PPP2R2C: variants seen among roughly 807,000 people sequenced by gnomAD.
PPP2R2C encodes protein phosphatase 2, regulatory subunit B, gamma.
Under a neutral mutation model 45.3 loss-of-function variants are expected in PPP2R2C, and 10 were observed. That is an observed-to-expected ratio of 0.22 (90% CI 0.14 to 0.37). The LOEUF is 0.37. Ranked by LOEUF, PPP2R2C falls within the 10% of genes least tolerant of loss-of-function variation. The pLI, the probability that PPP2R2C is intolerant of heterozygous loss-of-function variation, is 1.00. For synonymous variants in PPP2R2C, 257 were observed against 245.4 expected (o/e 1.05, Z -0.44); for missense variants, 308 against 619.7 (o/e 0.50, Z 5.34).
intron 1 of PPP2R2C, among the ~76,000 whole-genome samples, chr4:6,410,524 A>G (rs1211491076): frequency 6.6e-6 from 1 of 152,214 alleles, no homozygotes; most frequent in Non-Finnish European, 1.5e-5. Context: ...AATATCAAAA[A>G]GATGGGGATG....
At chr4:6,481,892 T>C (rs1722364565) in intron 2 of PPP2R2C, among the ~76,000 whole-genome samples, 1 of 138,478 alleles carries the variant, frequency 7.2e-6, no homozygotes, top group Non-Finnish European at 1.5e-5. Context: ...GGCAGAAGAA[T>C]AGCTTGAAGC....
intron 1 of PPP2R2C, among the ~76,000 whole-genome samples, chr4:6,458,227 G>A (rs1354995532): frequency 6.6e-6 from 1 of 152,184 alleles, no homozygotes; most frequent in Non-Finnish European, 1.5e-5. Context: ...AAAACATCAT[G>A]CAGGCTCATC....
chr4:6,514,002 G>A (rs1055753254), intron 2 of PPP2R2C, among the ~76,000 whole-genome samples: 1 of 152,140 alleles, frequency 6.6e-6, no homozygotes, highest in African/African-American at 2.4e-5. Context: ...ATACAGATGG[G>A]GTGTATAATT....
At chr4:6,389,831 C>T (rs911580159) in intron 1 of PPP2R2C, among the ~76,000 whole-genome samples, 2 of 152,202 alleles carry the variant, frequency 1.3e-5, no homozygotes, top group African/African-American at 2.4e-5. Context: ...AACTTGCCAA[C>T]AGCCGCTCAG....
At chr4:6,531,723 T>C (rs1354742716) in intron 2 of PPP2R2C, among the ~76,000 whole-genome samples, 4 of 152,302 alleles carry the variant, frequency 2.6e-5, no homozygotes, top group South Asian at 2.1e-4. Flanking sequence ...GCGAAGTTAC[T>C]GTTCCAACAT....
intron 1 of PPP2R2C, among the ~76,000 whole-genome samples, chr4:6,410,717 C>T (rs573824111): frequency 6.6e-6 from 1 of 152,096 alleles, no homozygotes; most frequent in African/African-American, 2.4e-5. Flanking sequence ...CCACTTACCA[C>T]CCCAGTGAGC....
chr4:6,509,485 A>AT (rs71173443), intron 2 of PPP2R2C, among the ~76,000 whole-genome samples: 8 of 151,816 alleles, frequency 5.3e-5, no homozygotes, highest in Non-Finnish European at 1.2e-4. Context: ...CAAAAAAAAA[A>AT]TAAATAAATA....
intron 2 of PPP2R2C, among the ~76,000 whole-genome samples, chr4:6,522,989 G>C (rs1439914808): frequency 6.6e-6 from 1 of 152,258 alleles, no homozygotes; most frequent in African/African-American, 2.4e-5. Flanking sequence ...CAGCCTGGCA[G>C]GGGTGGACCG....
chr4:6,359,105 T>A (rs936400305), intron 5 of PPP2R2C, among the ~76,000 whole-genome samples: 2 of 152,180 alleles, frequency 1.3e-5, no homozygotes, highest in African/African-American at 2.4e-5. Context: ...CAAATGTCCA[T>A]CAATGATAGA....
chr4:6,406,361 T>A (rs959874779), intron 1 of PPP2R2C, among the ~76,000 whole-genome samples: 1 of 152,250 alleles, frequency 6.6e-6, no homozygotes, highest in African/African-American at 2.4e-5. Flanking sequence ...TGCTGATTTG[T>A]CTTCTTTGCT....
intron 1 of PPP2R2C, among the ~76,000 whole-genome samples, chr4:6,456,831 C>A (rs994065169): frequency 1.3e-5 from 2 of 152,206 alleles, no homozygotes; most frequent in East Asian, 3.9e-4. Context: ...GGCCTGGCCA[C>A]GTGGAGGGCC....
intron 2 of PPP2R2C, among the ~76,000 whole-genome samples, chr4:6,530,826 C>T (rs903778020): frequency 9.9e-5 from 15 of 152,230 alleles, no homozygotes; most frequent in Admixed American, 6.5e-5. Context: ...CAAGGCAAAA[C>T]GCAAGGTGGC....
chr4:6,545,047 T>C (rs908027556), intron 1 of PPP2R2C, among the ~76,000 whole-genome samples: 2 of 152,180 alleles, frequency 1.3e-5, no homozygotes, highest in Non-Finnish European at 2.9e-5. Flanking sequence ...TGCTGCCTAA[T>C]GCCAGGCCGG....
rs779886326 is a variant in PPP2R2C, at chr4:6,323,428, C to T, written c.1218G>A (p.Val406=). ...GGKRRRDDIS[V]DSLDFTKKIL... ...TCTTCTTGGTGAAGTCCAAGCTGTC[C>T]ACACTGATGTCATCACGCCGGCGCT... The change falls in exon 9 of 9, where the codon GTG becomes GTA. Residue 406 remains valine (V), a synonymous_variant. Coordinates refer to ENST00000382599, the MANE Select transcript of PPP2R2C (RefSeq NM_020416.4). The T allele has an allele frequency of 1.9e-6, 3 of 1,613,882 alleles. No homozygotes were observed. The East Asian group carries it at 6.7e-5, about 36-fold the overall frequency.
intron 6 of PPP2R2C, among the ~76,000 whole-genome samples, chr4:6,339,334 C>A (rs1733264289): frequency 6.6e-6 from 1 of 152,228 alleles, no homozygotes; most frequent in Non-Finnish European, 1.5e-5. Context: ...GCCTCATGGC[C>A]CCGCCCTGCT....
chr4:6,555,285 A>G (rs1156893196), intron 1 of PPP2R2C, among the ~76,000 whole-genome samples: 1 of 152,236 alleles, frequency 6.6e-6, no homozygotes, highest in Non-Finnish European at 1.5e-5. Context: ...AGACCACCAC[A>G]CAGCCCCAAC....
chr4:6,331,004 C>G lies in PPP2R2C; in HGVS notation c.961-1651G>C, dbSNP rs1045530444. Reference sequence around the variant, plus strand: ...GTGAGGCCGAGGTTCTTCCTTCTCTCTGGGTCCAGGGTCTAGCACTGTGTT... The same window carrying G: ...GTGAGGCCGAGGTTCTTCCTTCTCTGTGGGTCCAGGGTCTAGCACTGTGTT... On this transcript the variant is annotated intron_variant, in intron 7 of 8. Transcript: ENST00000382599. The surrounding 1 kb of genome is among the most constrained non-coding windows in gnomAD (Gnocchi z 5.9). Among the ~76,000 whole-genome samples the G allele has an allele frequency of 8.5e-5, 13 of 152,200 alleles. No individual in the cohort carries two copies. Among genetic ancestry groups the G allele is most frequent in the Non-Finnish European group, 1.9e-4 (13 of 68,036 alleles).
chr4:6,455,047 G>C (rs978169602), intron 1 of PPP2R2C, among the ~76,000 whole-genome samples: 1 of 86,146 alleles, frequency 1.2e-5, no homozygotes, highest in African/African-American at 5.7e-5. Flanking sequence ...CACAGCACAA[G>C]TCACCTAGTG....
chr4:6,508,272 G>T (rs1723304362), intron 2 of PPP2R2C, among the ~76,000 whole-genome samples: 1 of 152,190 alleles, frequency 6.6e-6, no homozygotes. Context: ...ATCAGGGAAA[G>T]GCAGTCTCCC....
Sources: gnomAD v4.1 joint callset for allele counts (sites outside exome capture counted in the v4.1 genomes callset) on GRCh38, gnomAD v4.1.1 for gene constraint, Gnocchi (gnomAD v3.1) non-coding constraint, MANE v1.5 for transcripts, NCBI Gene and HGNC (gene_info 2026-07-23, HGNC 2026-07-21) for gene names.